EPAS1: variants seen among roughly 807,000 people sequenced by gnomAD.
The protein encoded by EPAS1 is endothelial PAS domain-containing protein 1.
Under a neutral mutation model 87.9 loss-of-function variants are expected in EPAS1, and 23 were observed. The observed-to-expected ratio is 0.26, with a 90% confidence interval of 0.19 to 0.37. EPAS1 has a LOEUF of 0.37. Among genes scored for constraint, EPAS1 ranks in the 10% least tolerant of loss-of-function variants. EPAS1 has a pLI of 1.00. For synonymous variants in EPAS1, 508 were observed against 444.3 expected, an observed-to-expected ratio of 1.14 and a Z score of -1.80; for missense variants, 1,138 against 1,120.7, an observed-to-expected ratio of 1.02 and a Z score of -0.22.
intron 1 of EPAS1, among the ~76,000 whole-genome samples, chr2:46,340,376 G>A (rs575257358): frequency 7.9e-5 from 12 of 152,318 alleles, no homozygotes; most frequent in Admixed American, 7.2e-4. Flanking sequence ...CAGAGAGCTG[G>A]AGGCTCAGCC....
intron 1 of EPAS1, among the ~76,000 whole-genome samples, chr2:46,336,893 C>T (rs1683803639): frequency 6.6e-6 from 1 of 152,232 alleles, no homozygotes; most frequent in Non-Finnish European, 1.5e-5. Flanking sequence ...TGGGTGACTC[C>T]ACAGGCAGCT....
intron 1 of EPAS1, among the ~76,000 whole-genome samples, chr2:46,319,260 C>G (rs1283075316): frequency 2.0e-5 from 3 of 152,202 alleles, no homozygotes; most frequent in Non-Finnish European, 4.4e-5. Flanking sequence ...GTAAAATGAT[C>G]CTCCAGTGTG....
intron 6 of EPAS1, among the ~76,000 whole-genome samples, chr2:46,363,871 T>C (rs1286013529): frequency 2.0e-5 from 3 of 152,176 alleles, no homozygotes; most frequent in Admixed American, 6.5e-5. Flanking sequence ...TTTAAAGACA[T>C]AGAATGCTGT....
At position 46,385,027 on chromosome 2, in the gene EPAS1, G is replaced by C; in HGVS notation, c.*367G>C. 1 of 255,348 alleles carries C rather than the reference G, an allele frequency of 3.9e-6. No homozygotes were observed. The allele number at this position is 255,348 out of a possible 1,614,324, so 15.8% of individuals were successfully genotyped here. On this transcript the variant is annotated 3_prime_UTR_variant, in exon 16 of 16. Coordinates refer to ENST00000263734, the MANE Select transcript of EPAS1 (RefSeq NM_001430.5). The stretch of plus-strand genomic sequence containing the variant: ...TGGTGCATGTCTGTTCTTCTGTAGG[G>C]AGAAGCTTTAGCTTCATTTTACTAA...
chr2:46,351,716 ACAGT>A (rs1183463089), intron 2 of EPAS1, among the ~76,000 whole-genome samples: 1 of 152,196 alleles, frequency 6.6e-6, no homozygotes, highest in East Asian at 1.9e-4. Flanking sequence ...GGCTTTAAGA[ACAGT>A]CAGAGCAGTC....
At chr2:46,373,113 T>A (rs937057401) in intron 7 of EPAS1, among the ~76,000 whole-genome samples, 1 of 152,230 alleles carries the variant, frequency 6.6e-6, no homozygotes, top group Non-Finnish European at 1.5e-5. Flanking sequence ...AAGCAAATCA[T>A]AACCCTCTGG....
At chr2:46,356,079 G>A in intron 2 of EPAS1, 72 bp from the exon 3 acceptor site, 2 of 1,502,396 alleles carry the variant, frequency 1.3e-6, no homozygotes, top group Non-Finnish European at 1.9e-6. Context: ...CCTGGCAAAT[G>A]CCTATCTGTG....
intron 1 of EPAS1, among the ~76,000 whole-genome samples, chr2:46,301,700 C>T (rs1315918482): frequency 3.3e-5 from 5 of 151,696 alleles, no homozygotes; most frequent in South Asian, 2.1e-4. Flanking sequence ...GGATGATTTC[C>T]GAAGGAGTGC....
intron 13 of EPAS1, 70 bp downstream of exon 13, chr2:46,381,792 TGGGGA>T: frequency 6.2e-7 from 1 of 1,603,992 alleles, no homozygotes; most frequent in South Asian, 1.1e-5. Flanking sequence ...CTGAGAGGGG[TGGGGA>T]TGTGGCCCTT....
intron 1 of EPAS1, among the ~76,000 whole-genome samples, chr2:46,324,288 C>T (rs368940157): frequency 2.0e-4 from 31 of 152,266 alleles, no homozygotes; most frequent in African/African-American, 7.2e-4. Flanking sequence ...AGGATGGTCT[C>T]GATCTTCTGA....
At chr2:46,343,300 C>A (rs573566857) in intron 1 of EPAS1, among the ~76,000 whole-genome samples, 1 of 152,124 alleles carries the variant, frequency 6.6e-6, no homozygotes, top group Non-Finnish European at 1.5e-5. Flanking sequence ...ACATGAGGCT[C>A]CCCTCATGAA....
intron 1 of EPAS1, among the ~76,000 whole-genome samples, chr2:46,318,622 A>G (rs1683391707): frequency 6.6e-6 from 1 of 152,244 alleles, no homozygotes; most frequent in African/African-American, 2.4e-5. Flanking sequence ...AAAGTTTTTG[A>G]GTGTTGTACC....
chr2:46,368,236 G>A (rs1275313717), intron 6 of EPAS1, among the ~76,000 whole-genome samples: 1 of 152,198 alleles, frequency 6.6e-6, no homozygotes, highest in Non-Finnish European at 1.5e-5. Context: ...AGGAACTGGA[G>A]AGGGCTCTGT....
chr2:46,313,218 A>G (rs1572615350), intron 1 of EPAS1, among the ~76,000 whole-genome samples: 2 of 152,134 alleles, frequency 1.3e-5, no homozygotes, highest in Non-Finnish European at 1.5e-5. Context: ...GTGACAGGCC[A>G]CTCAGCTCTG....
chr2:46,378,823 A>G, intron 11 of EPAS1, 56 bp downstream of exon 11: 4 of 1,421,828 alleles, frequency 2.8e-6, no homozygotes, highest in South Asian at 1.1e-5. Flanking sequence ...GTGGACAGCA[A>G]AGGCTCACAT....
At chr2:46,320,698 C>T (rs1683438313) in intron 1 of EPAS1, among the ~76,000 whole-genome samples, 1 of 152,106 alleles carries the variant, frequency 6.6e-6, no homozygotes, top group Non-Finnish European at 1.5e-5. Flanking sequence ...AACTGTCTGC[C>T]CGTGCCATTA....
At chr2:46,322,237 C>T (rs1683469324) in intron 1 of EPAS1, among the ~76,000 whole-genome samples, 1 of 152,278 alleles carries the variant, frequency 6.6e-6, no homozygotes, top group Non-Finnish European at 1.5e-5. Flanking sequence ...CTTCTCCACC[C>T]GCTAGGTTCT....
At chr2:46,298,032 C>A (rs936026352) in intron 1 of EPAS1, 95 bp downstream of exon 1, 25 of 1,478,748 alleles carry the variant, frequency 1.7e-5, no homozygotes, top group Non-Finnish European at 2.1e-5. Context: ...GAGAAGAGTG[C>A]TGAGAGGTCT....
rs1280528815 is a variant in EPAS1 at position 46,297,668 on chromosome 2, C to T, written c.-244C>T. ...TTTCGGGTCTGACAGCCTCCACCCA[C>T]TCCTTCCCCGGACCCCGCCTCCGCG... On this transcript the variant is annotated 5_prime_UTR_variant, in exon 1 of 16. Coordinates refer to ENST00000263734, the MANE Select transcript of EPAS1 (RefSeq NM_001430.5). 1.8e-6 allele frequency: 1 copy of T among 554,942 alleles called. No individual in the cohort carries two copies. The highest frequency in any genetic ancestry group is 3.2e-5 in the East Asian group (1 of 31,158). The allele number at this position is 554,942 out of a possible 1,614,324, so 34.4% of individuals were successfully genotyped here. A position where few individuals can be genotyped will look rare whatever the true frequency, so the allele number is the denominator to read the frequency against.
Sources: allele counts gnomAD v4.1 joint callset (sites outside exome capture counted in the v4.1 genomes callset), GRCh38; gene constraint gnomAD v4.1.1; transcripts MANE v1.5; gene names NCBI Gene and HGNC (gene_info 2026-07-23, HGNC 2026-07-21).